Variants in SDK2 observed in about 807,000 individuals in gnomAD.
SDK2 encodes sidekick cell adhesion molecule 2, also known as protein sidekick-2.
Under a neutral mutation model 253.9 loss-of-function variants are expected in SDK2, and 105 were observed. The ratio of observed to expected loss-of-function variants is 0.41; its 90% CI spans 0.35 to 0.49. The LOEUF (loss-of-function observed/expected upper bound fraction) is 0.49. Among genes scored for constraint, SDK2 ranks in the 20% least tolerant of loss-of-function variants. The pLI is 0.06. For missense variants in SDK2, 2,608 were observed against 3,003.0 expected (o/e 0.87, Z 3.07); for synonymous variants, 1,249 against 1,234.9 (o/e 1.01, Z -0.24).
rs187987614 is a variant in SDK2, at chr17:73,414,710, C to T, written c.2418G>A (p.Thr806=). ...GNVHAEATNS[T]TIRFTWNAPS... ...GGGCGTTCCAGGTGAAGCGGATGGT[C>T]GTGGAATTGGTGGCTTCCGCGTGCA... The change falls in exon 18 of 45, where the codon ACG becomes ACA. Residue 806 remains threonine, a synonymous_variant. Transcript: ENST00000392650. The T allele has an allele frequency of 1.2e-5, 19 of 1,613,686 alleles. No homozygotes were observed. The highest frequency in any genetic ancestry group is 4.5e-5 in the East Asian group (2 of 44,874).
At chr17:73,527,358 T>C (rs925526495) in intron 1 of SDK2, among the ~76,000 whole-genome samples, 1 of 152,088 alleles carries the variant, frequency 6.6e-6, no homozygotes, top group Non-Finnish European at 1.5e-5. Context: ...ACAGTGGGAA[T>C]GCATAATGCA....
intron 2 of SDK2, among the ~76,000 whole-genome samples, chr17:73,499,859 CTGTG>C (rs59872387): frequency 0.011 from 1,664 of 145,638 alleles, 16 homozygotes; most frequent in East Asian, 0.037. Flanking sequence ...GCATGGGAAT[CTGTG>C]TGTGTGTGTG....
At chr17:73,375,266 C>A in intron 36 of SDK2, among the ~76,000 whole-genome samples, 1 of 104,384 alleles carries the variant, frequency 9.6e-6, no homozygotes, top group East Asian at 3.1e-4. Flanking sequence ...TTTTTTGAGA[C>A]AGTCTTGATC....
chr17:73,501,114 C>G (rs924367744), intron 2 of SDK2, among the ~76,000 whole-genome samples: 7 of 152,188 alleles, frequency 4.6e-5, no homozygotes, highest in African/African-American at 1.7e-4. Flanking sequence ...GGCCTGACCT[C>G]TAGGGCTTTT....
chr17:73,471,282 G>C (rs2063648858), intron 3 of SDK2, among the ~76,000 whole-genome samples: 1 of 152,154 alleles, frequency 6.6e-6, no homozygotes, highest in African/African-American at 2.4e-5. Flanking sequence ...TCACTCCAGG[G>C]TTGAGCGAGT....
intron 9 of SDK2, among the ~76,000 whole-genome samples, chr17:73,434,817 A>G (rs2145617436): frequency 6.6e-6 from 1 of 151,908 alleles, no homozygotes; most frequent in South Asian, 2.1e-4. Context: ...TTTTTGGTAG[A>G]CGAGGTTTCG....
rs996156386 is a variant in SDK2, at chr17:73,379,610, TCC to T, written c.4763-63_4763-62del. ...GGTCACCGTCATTGCTGGGAAGGTG[TCC>T]CCAGGGAGGGTGGAGGCTGCAGGGG... On this transcript the variant is annotated intron_variant, in intron 34 of 44. Transcript: ENST00000392650. The surrounding 1 kb of genome is among the most constrained non-coding windows in gnomAD (Gnocchi z 4.5). 8 of 1,034,532 alleles carry T rather than the reference TCC, an allele frequency of 7.7e-6. No individual in the cohort carries two copies. Among genetic ancestry groups the T allele is most frequent in the Non-Finnish European group, 1.2e-5 (8 of 685,008 alleles). 64.1% of individuals were successfully genotyped at this position (1,034,532 alleles called of 1,614,324 possible).
At chr17:73,624,612 G>A (rs1296178329) in intron 1 of SDK2, among the ~76,000 whole-genome samples, 5 of 152,306 alleles carry the variant, frequency 3.3e-5, no homozygotes, top group South Asian at 2.1e-4. Context: ...TGTGCATGCC[G>A]CACCTGGGGA....
intron 1 of SDK2, among the ~76,000 whole-genome samples, chr17:73,599,878 G>T (rs1008894275): frequency 6.6e-6 from 1 of 152,212 alleles, no homozygotes; most frequent in Admixed American, 6.5e-5. Context: ...GGGTCCTTCA[G>T]TGAAGGTAGG....
chr17:73,358,023 C>T (rs1322052925), intron 40 of SDK2, 56 bp downstream of exon 40: 2 of 1,609,704 alleles, frequency 1.2e-6, no homozygotes, highest in Admixed American at 3.3e-5. Context: ...TGGAGGGACC[C>T]AGGAAGAAGG....
intron 28 of SDK2, among the ~76,000 whole-genome samples, chr17:73,391,011 A>G (rs2062923898): frequency 6.6e-6 from 1 of 152,124 alleles, no homozygotes; most frequent in African/African-American, 2.4e-5. Context: ...GCCGACCGGA[A>G]CCCTGGGTGT....
chr17:73,589,930 G>A (rs1405569321), intron 1 of SDK2, among the ~76,000 whole-genome samples: 2 of 152,234 alleles, frequency 1.3e-5, no homozygotes, highest in Non-Finnish European at 2.9e-5. Context: ...GCGCCTTAAA[G>A]AGAAAGCAAG....
chr17:73,354,823 G>T (rs2062572147), intron 40 of SDK2, among the ~76,000 whole-genome samples: 1 of 152,094 alleles, frequency 6.6e-6, no homozygotes, highest in Admixed American at 6.5e-5. Context: ...GGTTGAAGCT[G>T]CTCTCCCGCC....
At position 73,415,977 on chromosome 17, in the gene SDK2, C is replaced by T. The variant is rs2063178279; in HGVS notation, c.2202G>A (p.Gly734=). Residue 734 remains glycine, a synonymous_variant, in exon 17 of 45, where the codon GGG becomes GGA. Coordinates refer to ENST00000392650, the MANE Select transcript of SDK2 (RefSeq NM_001144952.2). ...KGYIIRYCLA[G]LPVGYQFKNI... ...TCTTAAACTGGTACCCCACGGGCAG[C>T]CCGGCCAGGCAGTACCTGAGGGGAA... 3 of 1,610,366 alleles carry T rather than the reference C, an allele frequency of 1.9e-6. No homozygotes were observed. Among genetic ancestry groups the T allele is most frequent in the African/African-American group, 1.3e-5 (1 of 74,888 alleles).
chr17:73,544,510 A>G (rs1045888572), intron 1 of SDK2, among the ~76,000 whole-genome samples: 1 of 152,194 alleles, frequency 6.6e-6, no homozygotes, highest in Non-Finnish European at 1.5e-5. Flanking sequence ...GGAAAGAAGG[A>G]AAGACAAACG....
At chr17:73,572,875 C>A (rs906860507) in intron 1 of SDK2, among the ~76,000 whole-genome samples, 1 of 152,200 alleles carries the variant, frequency 6.6e-6, no homozygotes, top group Non-Finnish European at 1.5e-5. Flanking sequence ...ATCTGAGATA[C>A]TTCCTCCCGG....
intron 1 of SDK2, among the ~76,000 whole-genome samples, chr17:73,508,434 A>G (rs1567813301): frequency 6.6e-6 from 1 of 152,218 alleles, no homozygotes; most frequent in Non-Finnish European, 1.5e-5. Flanking sequence ...AGTGTACACA[A>G]GGGAACTGAT....
intron 15 of SDK2, among the ~76,000 whole-genome samples, chr17:73,419,582 C>T (rs1225839589): frequency 6.6e-6 from 1 of 151,834 alleles, no homozygotes; most frequent in Non-Finnish European, 1.5e-5. Flanking sequence ...CTTTTAAAAA[C>T]TATAAGGCCA....
chr17:73,399,010 T>C (rs570557850), intron 22 of SDK2, among the ~76,000 whole-genome samples, 158 bp downstream of exon 22: 134 of 152,234 alleles, frequency 8.8e-4, no homozygotes, highest in African/African-American at 3.0e-3. Context: ...CAGGGGGAGT[T>C]GGAGACAACA....
Sources: gnomAD v4.1 joint callset for allele counts (sites outside exome capture counted in the v4.1 genomes callset) on GRCh38, gnomAD v4.1.1 for gene constraint, Gnocchi (gnomAD v3.1) non-coding constraint, MANE v1.5 for transcripts, NCBI Gene and HGNC (gene_info 2026-07-23, HGNC 2026-07-21) for gene names.